The following MTSS1 variants were observed in gnomAD, a reference collection of about 807,000 sequenced individuals.
MTSS1 encodes the protein MTSS I-BAR domain containing 1.
A neutral mutation model predicts 79.0 loss-of-function variants in MTSS1; 18 were observed. That is an observed-to-expected ratio of 0.23 (90% CI 0.16 to 0.34). The LOEUF (loss-of-function observed/expected upper bound fraction) is 0.34. MTSS1 is among the 10% of genes least tolerant of loss of function. MTSS1 has a pLI of 1.00. For synonymous variants in MTSS1, 341 were observed against 368.6 expected, an observed-to-expected ratio of 0.93 and a Z score of 0.86; for missense variants, 815 against 986.2, an observed-to-expected ratio of 0.83 and a Z score of 2.33.
At chr8:124,557,164 C>T (rs981918041) in intron 11 of MTSS1, among the ~76,000 whole-genome samples, 20 of 152,152 alleles carry the variant, frequency 1.3e-4, no homozygotes, top group African/African-American at 4.8e-4. Flanking sequence ...CTAAAGTCTG[C>T]GTGTACTGTT....
intron 1 of MTSS1, 44 bp from the exon 2 acceptor site, chr8:124,704,235 A>C: frequency 6.6e-7 from 1 of 1,516,940 alleles, no homozygotes; most frequent in African/African-American, 1.4e-5. Flanking sequence ...TGCGATAGAC[A>C]TCTGATTACT....
rs559701961 is a variant in MTSS1 at position 124,632,762 on chromosome 8, A to C, written c.209-41527T>G. Among the ~76,000 whole-genome samples, 5 of 152,278 alleles carry C rather than the reference A, an allele frequency of 3.3e-5. No homozygotes were observed. The South Asian group carries it at 1.0e-3, about 32-fold the overall frequency. ...AGCTCACTGCAACCTCTGCCTCCTG[A>C]GTTCAAGCGATTCTTCTGCCTCAGC... On this transcript the variant is annotated intron_variant, in intron 3 of 13. Transcript: ENST00000518547.
intron 3 of MTSS1, among the ~76,000 whole-genome samples, chr8:124,616,424 CA>C (rs141833533): frequency 0.012 from 1,774 of 149,228 alleles, 34 homozygotes; most frequent in African/African-American, 0.042. Context: ...CTCAGCCCAC[CA>C]ATATGCTTCA....
chr8:124,607,479 T>TA (rs1361457576), intron 3 of MTSS1, among the ~76,000 whole-genome samples: 1 of 152,180 alleles, frequency 6.6e-6, no homozygotes, highest in African/African-American at 2.4e-5. Flanking sequence ...ACAGAGTTTT[T>TA]AAAAAAGGAA....
chr8:124,664,203 G>A (rs1040249898), intron 3 of MTSS1, among the ~76,000 whole-genome samples: 1 of 152,092 alleles, frequency 6.6e-6, no homozygotes. Flanking sequence ...CTGTTCCCAG[G>A]GGTGGTTTCA....
intron 3 of MTSS1, among the ~76,000 whole-genome samples, chr8:124,602,207 A>ACACACACACACACATATATATATAT: frequency 2.1e-4 from 30 of 142,176 alleles, no homozygotes; most frequent in East Asian, 4.0e-4. Flanking sequence ...ATATATATAT[A>ACACACACACACACATATATATATAT]ATTTTTTTTT....
At chr8:124,569,018 C>A (rs1827179620) in intron 6 of MTSS1, among the ~76,000 whole-genome samples, 2 of 152,204 alleles carry the variant, frequency 1.3e-5, no homozygotes. Context: ...CTCCTAAAGA[C>A]AAAGGTGGCA....
chr8:124,721,108 CT>C (rs1832845430), intron 1 of MTSS1, among the ~76,000 whole-genome samples: 1 of 152,106 alleles, frequency 6.6e-6, no homozygotes, highest in Non-Finnish European at 1.5e-5. Context: ...CACTCTAATT[CT>C]CTAGATGATA....
intron 8 of MTSS1, 57 bp from the exon 9 acceptor site, chr8:124,565,816 T>A: frequency 7.1e-7 from 1 of 1,409,120 alleles, no homozygotes. Context: ...GCGTTAGCCA[T>A]CAAAGCTTAA....
chr8:124,641,318 C>T (rs1818011654), intron 3 of MTSS1, among the ~76,000 whole-genome samples: 1 of 152,186 alleles, frequency 6.6e-6, no homozygotes, highest in African/African-American at 2.4e-5. Flanking sequence ...AGTGAACATT[C>T]CTATCAGAAA....
At chr8:124,590,715 T>A (rs932900349) in intron 4 of MTSS1, among the ~76,000 whole-genome samples, 1 of 152,224 alleles carries the variant, frequency 6.6e-6, no homozygotes, top group African/African-American at 2.4e-5. Context: ...GGAAGCCAGA[T>A]GGGAAGCTGG....
chr8:124,628,265 C>T (rs1563891934), intron 3 of MTSS1, among the ~76,000 whole-genome samples: 1 of 152,168 alleles, frequency 6.6e-6, no homozygotes, highest in African/African-American at 2.4e-5. Context: ...ACGGGTGCTT[C>T]CCATCCCAGG....
chr8:124,661,268 A>G (rs553804446), intron 3 of MTSS1, among the ~76,000 whole-genome samples: 1 of 152,142 alleles, frequency 6.6e-6, no homozygotes, highest in African/African-American at 2.4e-5. Flanking sequence ...GTCCCCATAC[A>G]CGCACTACCC....
At chr8:124,642,885 G>A (rs1017047247) in intron 3 of MTSS1, among the ~76,000 whole-genome samples, 24 of 152,292 alleles carry the variant, frequency 1.6e-4, no homozygotes, top group African/African-American at 3.9e-4. Flanking sequence ...GAGCCACTGC[G>A]CCCGGCTCTT....
At chr8:124,639,158 G>A (rs1817570372) in intron 3 of MTSS1, among the ~76,000 whole-genome samples, 1 of 152,076 alleles carries the variant, frequency 6.6e-6, no homozygotes, top group South Asian at 2.1e-4. Flanking sequence ...CCAACATGGT[G>A]AAACCCCATC....
At position 124,609,112 on chromosome 8, in the gene MTSS1, A is replaced by G. The variant is rs181525672; in HGVS notation, c.209-17877T>C. 2.6e-5 allele frequency among the ~76,000 whole-genome samples: 4 copies of G among 152,330 alleles called. No individual in the cohort carries two copies. In the South Asian group the frequency reaches 6.2e-4, roughly 24 times the overall value. On this transcript the variant is annotated intron_variant, in intron 3 of 13. Coordinates refer to ENST00000518547, the MANE Select transcript of MTSS1 (RefSeq NM_014751.6). Reference sequence around the variant, plus strand: ...CTTTCCCCAGCTCCCTGAGAACATCATCACCACACAGAGCCCCTGCCAGGT... The same window carrying G: ...CTTTCCCCAGCTCCCTGAGAACATCGTCACCACACAGAGCCCCTGCCAGGT...
At chr8:124,604,359 T>C (rs1834440859) in intron 3 of MTSS1, among the ~76,000 whole-genome samples, 1 of 152,182 alleles carries the variant, frequency 6.6e-6, no homozygotes. Flanking sequence ...TAAATGTTCT[T>C]ACAACAAACA....
At chr8:124,587,254 A>G (rs1486279426) in intron 5 of MTSS1, among the ~76,000 whole-genome samples, 1 of 152,362 alleles carries the variant, frequency 6.6e-6, no homozygotes, top group Non-Finnish European at 1.5e-5. Context: ...TCAGCCAATG[A>G]ATGAGCCAAG....
chr8:124,662,446 TCA>T (rs1464136955), intron 3 of MTSS1, among the ~76,000 whole-genome samples: 1 of 152,134 alleles, frequency 6.6e-6, no homozygotes, highest in Admixed American at 6.5e-5. Flanking sequence ...AAGAGAGGCC[TCA>T]GTCTCTGCCA....
Sources: allele counts gnomAD v4.1 joint callset (sites outside exome capture counted in the v4.1 genomes callset), GRCh38; gene constraint gnomAD v4.1.1; transcripts MANE v1.5; gene names NCBI Gene and HGNC (gene_info 2026-07-23, HGNC 2026-07-21).